LRMDA: variants seen among roughly 807,000 people sequenced by gnomAD.
LRMDA encodes the protein leucine rich melanocyte differentiation associated, also known as leucine-rich melanocyte differentiation-associated protein.
In LRMDA, 18 loss-of-function variants were observed where a neutral mutation model predicts 29.8. The observed-to-expected ratio is 0.60, with a 90% CI of 0.42 to 0.90. The LOEUF is 0.90. LRMDA is among the 40% of genes least tolerant of loss of function. LRMDA has a pLI of 0.00. For missense variants in LRMDA, 273 were observed against 273.9 expected (o/e 1.00, Z 0.02); for synonymous variants, 125 against 109.4 (o/e 1.14, Z -0.89).
intron 2 of LRMDA, among the ~76,000 whole-genome samples, chr10:75,862,405 C>T (rs1179672124): frequency 1.3e-5 from 2 of 152,112 alleles, no homozygotes; most frequent in Non-Finnish European, 2.9e-5. Context: ...GAAAGAACTA[C>T]CTGTTTTCCC....
intron 2 of LRMDA, among the ~76,000 whole-genome samples, chr10:75,856,979 C>G (rs1001116329): frequency 5.3e-5 from 8 of 152,296 alleles, no homozygotes; most frequent in African/African-American, 1.7e-4. Context: ...GCAACTTCAG[C>G]AAAGTCTCAG....
chr10:76,257,112 A>G (rs765045086), intron 5 of LRMDA, among the ~76,000 whole-genome samples: 28 of 152,202 alleles, frequency 1.8e-4, no homozygotes, highest in African/African-American at 2.7e-4. Flanking sequence ...ATTTAAGTTT[A>G]TGCATGAAGA....
intron 5 of LRMDA, among the ~76,000 whole-genome samples, chr10:76,301,790 T>G (rs921778419): frequency 6.6e-6 from 1 of 152,166 alleles, no homozygotes; most frequent in Non-Finnish European, 1.5e-5. Context: ...TAAAAATGGT[T>G]ACTGATGCCC....
chr10:76,545,668 A>ATTATTG (rs1564572789), intron 6 of LRMDA, among the ~76,000 whole-genome samples: 1 of 147,286 alleles, frequency 6.8e-6, no homozygotes, highest in African/African-American at 2.5e-5. Flanking sequence ...TATTATTATT[A>ATTATTG]TTATTGTTAT....
chr10:75,537,603 G>A (rs181866478), intron 2 of LRMDA, among the ~76,000 whole-genome samples: 1 of 152,354 alleles, frequency 6.6e-6, no homozygotes. Flanking sequence ...CGTAAGGATG[G>A]AAGTTCAGAT....
chr10:75,977,560 A>T (rs1480673837), intron 2 of LRMDA, among the ~76,000 whole-genome samples: 1 of 152,214 alleles, frequency 6.6e-6, no homozygotes, highest in Non-Finnish European at 1.5e-5. Flanking sequence ...AAATAAACAG[A>T]CATTTCTGCC....
intron 2 of LRMDA, among the ~76,000 whole-genome samples, chr10:75,504,952 C>T (rs1318981161): frequency 6.6e-6 from 1 of 152,042 alleles, no homozygotes; most frequent in Non-Finnish European, 1.5e-5. Context: ...GTAGGTAGAT[C>T]ATGTCATCCT....
chr10:75,945,783 G>GA (rs1182731199), intron 2 of LRMDA, among the ~76,000 whole-genome samples: 8 of 152,070 alleles, frequency 5.3e-5, no homozygotes, highest in South Asian at 2.1e-4. Context: ...CTTGTGTAGG[G>GA]AAAAAAATCA....
intron 2 of LRMDA, among the ~76,000 whole-genome samples, chr10:75,751,988 C>G (rs530749042): frequency 6.6e-6 from 1 of 151,484 alleles, no homozygotes. Context: ...GGGAAAATGA[C>G]GAGTTTGGTG....
chr10:76,008,680 T>C (rs1292183365), intron 2 of LRMDA, among the ~76,000 whole-genome samples: 1 of 152,214 alleles, frequency 6.6e-6, no homozygotes, highest in African/African-American at 2.4e-5. Flanking sequence ...TGGCTGGCAG[T>C]GTTTCGGATC....
chr10:76,157,761 G>A (rs565661079), intron 5 of LRMDA, among the ~76,000 whole-genome samples: 1 of 151,982 alleles, frequency 6.6e-6, no homozygotes, highest in Non-Finnish European at 1.5e-5. Context: ...ACTTAGCAAT[G>A]GGGATACATT....
intron 2 of LRMDA, among the ~76,000 whole-genome samples, chr10:75,856,879 A>G (rs1272853371): frequency 9.2e-5 from 14 of 152,164 alleles, no homozygotes; most frequent in Non-Finnish European, 1.3e-4. Flanking sequence ...TTAGGAAAAG[A>G]GGAAGTCAAA....
At chr10:76,006,688 G>T (rs1198450736) in intron 2 of LRMDA, among the ~76,000 whole-genome samples, 2 of 152,112 alleles carry the variant, frequency 1.3e-5, no homozygotes, top group Non-Finnish European at 2.9e-5. Flanking sequence ...CAGTCGCTCT[G>T]ACTTTTTCTT....
At chr10:76,018,496 T>C (rs1847915495) in intron 2 of LRMDA, among the ~76,000 whole-genome samples, 1 of 152,002 alleles carries the variant, frequency 6.6e-6, no homozygotes, top group South Asian at 2.1e-4. Context: ...AGGGGTAGTT[T>C]TGGGTAATTG....
intron 6 of LRMDA, among the ~76,000 whole-genome samples, chr10:76,382,268 A>G (rs1017926320): frequency 1.3e-5 from 2 of 152,248 alleles, no homozygotes; most frequent in African/African-American, 4.8e-5. Context: ...ATTTGATACC[A>G]GTACTTTTTA....
intron 2 of LRMDA, among the ~76,000 whole-genome samples, chr10:75,487,429 G>A (rs1215774838): frequency 6.6e-6 from 1 of 152,194 alleles, no homozygotes; most frequent in African/African-American, 2.4e-5. Context: ...CAGAGAAAAG[G>A]TATGTCTGAA....
At chr10:76,240,193 C>CCACACA (rs561810447) in intron 5 of LRMDA, among the ~76,000 whole-genome samples, 1 of 143,606 alleles carries the variant, frequency 7.0e-6, no homozygotes, top group Non-Finnish European at 1.5e-5. Context: ...CACACACACA[C>CCACACA]CACACACACA....
At chr10:75,461,020 G>A (rs188062598) in intron 2 of LRMDA, among the ~76,000 whole-genome samples, 56 of 152,290 alleles carry the variant, frequency 3.7e-4, no homozygotes, top group African/African-American at 1.3e-3. Context: ...GCCCTCGTAA[G>A]GGAAAATAAA....
chr10:75,598,024 G>T (rs1013386792), intron 2 of LRMDA, among the ~76,000 whole-genome samples: 1 of 152,176 alleles, frequency 6.6e-6, no homozygotes, highest in Non-Finnish European at 1.5e-5. Flanking sequence ...AGTTCTCGGG[G>T]TTTGCTGCCC....
Sources: allele counts gnomAD v4.1 joint callset (sites outside exome capture counted in the v4.1 genomes callset), GRCh38; gene constraint gnomAD v4.1.1; transcripts MANE v1.5; gene names NCBI Gene and HGNC (gene_info 2026-07-23, HGNC 2026-07-21).